CHRDL1: variants seen among roughly 807,000 people sequenced by gnomAD.
CHRDL1 encodes chordin like 1, also known as chordin-like protein 1.
A neutral mutation model predicts 40.9 loss-of-function variants in CHRDL1; 19 were observed. The observed-to-expected ratio is 0.46, with a 90% CI of 0.32 to 0.68. CHRDL1 has a LOEUF of 0.68. Ranked by LOEUF, CHRDL1 falls within the 30% of genes least tolerant of loss-of-function variation. The pLI is 0.03. For missense variants in CHRDL1, 329 were observed against 352.1 expected (o/e 0.93, Z 0.53); for synonymous variants, 136 against 123.4 (o/e 1.10, Z -0.68).
chrX:110,690,017 ATATCTG>A lies in CHRDL1; in HGVS notation c.779-1220_779-1215del, dbSNP rs1438462725. On this transcript the variant is annotated intron_variant, in intron 8 of 11. Coordinates refer to ENST00000372042, the MANE Select transcript of CHRDL1 (RefSeq NM_001143981.2). ...TATCTATATATCTATATATATCTAT[ATATCTG>A]TATATCTATATATATCTATATATAT... Among the ~76,000 whole-genome samples, 2 of 57,598 alleles carry A rather than the reference ATATCTG, an allele frequency of 3.5e-5. 1 individual carries two copies. The highest frequency in any genetic ancestry group is 3.2e-4 in the African/African-American group (2 of 6,166). 50.0% of individuals were successfully genotyped at this position (57,598 alleles called of 115,157 possible). A position where few individuals can be genotyped will look rare whatever the true frequency, so the allele number is the denominator to read the frequency against.
chrX:110,792,950 A>G (rs2090125705), intron 1 of CHRDL1, among the ~76,000 whole-genome samples: 1 of 112,358 alleles, frequency 8.9e-6, no homozygotes. Context: ...AGACCATTAA[A>G]ACAACTACAG....
At chrX:110,725,725 C>T (rs149597419) in intron 4 of CHRDL1, among the ~76,000 whole-genome samples, 7 of 112,096 alleles carry the variant, frequency 6.2e-5, no homozygotes, top group African/African-American at 2.3e-4. Flanking sequence ...TACAAACCTC[C>T]CCAGAGCTTT....
chrX:110,697,866 ACACACACACACACG>A (rs2070429517), intron 7 of CHRDL1, among the ~76,000 whole-genome samples: 1 of 98,872 alleles, frequency 1.0e-5, no homozygotes, highest in African/African-American at 4.5e-5. Context: ...ACACACACAC[ACACACACACACACG>A]CAGACACACT....
At chrX:110,732,035 T>C (rs950637726) in intron 4 of CHRDL1, among the ~76,000 whole-genome samples, 2 of 108,779 alleles carry the variant, frequency 1.8e-5, no homozygotes, top group Non-Finnish European at 3.8e-5. Flanking sequence ...CGTTATACAA[T>C]ACAAACACAA....
chrX:110,754,628 G>A (rs147728162), intron 4 of CHRDL1, among the ~76,000 whole-genome samples: 21 of 111,707 alleles, frequency 1.9e-4, no homozygotes, highest in Admixed American at 1.6e-3. Flanking sequence ...AGACTGGGGT[G>A]TCTCTCTTGG....
At chrX:110,686,157 A>G (rs760234033) in intron 9 of CHRDL1, among the ~76,000 whole-genome samples, 5 of 111,255 alleles carry the variant, frequency 4.5e-5, no homozygotes, top group South Asian at 3.8e-4. Context: ...TTGGCCACCC[A>G]AAATGCTGGT....
chrX:110,744,994 C>A (rs1738429), intron 4 of CHRDL1, among the ~76,000 whole-genome samples: 2,102 of 95,541 alleles, frequency 0.022, 55 homozygotes, highest in African/African-American at 0.11. Context: ...CACACACACA[C>A]ATACATACCA....
In CHRDL1 at chrX:110,688,791, T is replaced by C. The variant is rs772945913; in HGVS notation, c.791A>G (p.Asn264Ser). The C allele has an allele frequency of 1.7e-6, 2 of 1,201,452 alleles. No homozygotes were observed. The highest frequency in any genetic ancestry group is 2.2e-5 in the Admixed American group (1 of 45,772). ...KHKHGQVCVSNGKTYSHGESW... is the reference protein window; with the variant it reads ...KHKHGQVCVSSGKTYSHGESW... ...CTCGCCATGAGAATAGGTCTTTCCATTGGAAACACACACTGAAAGAGAATG... is the reference window on the plus strand; with the variant it reads ...CTCGCCATGAGAATAGGTCTTTCCACTGGAAACACACACTGAAAGAGAATG... Residue 264 changes from asparagine (N) to serine (S), a missense_variant, in exon 9 of 12, where the codon AAT becomes AGT. Transcript: ENST00000372042.
chrX:110,759,954 T>G (rs1294814619), intron 3 of CHRDL1, among the ~76,000 whole-genome samples, 200 bp from the exon 4 acceptor site: 1 of 111,556 alleles, frequency 9.0e-6, no homozygotes, highest in Non-Finnish European at 1.9e-5. Flanking sequence ...ATTGGCATAT[T>G]TTTCTAAGGC....
intron 6 of CHRDL1, among the ~76,000 whole-genome samples, chrX:110,702,370 C>T: frequency 8.9e-6 from 1 of 112,354 alleles, no homozygotes; most frequent in Middle Eastern, 4.6e-3. Flanking sequence ...AACACTCTTA[C>T]ATATTTCTGA....
intron 6 of CHRDL1, among the ~76,000 whole-genome samples, chrX:110,706,810 C>A (rs778859928): frequency 8.9e-6 from 1 of 112,430 alleles, no homozygotes; most frequent in African/African-American, 3.2e-5. Flanking sequence ...AAGATTGCAG[C>A]TCTTGCTTTC....
Position 110,735,943 on chromosome X carries a change from T to A in CHRDL1, c.302-14413A>T, listed in dbSNP as rs778452502. Among the ~76,000 whole-genome samples, 38 of 112,263 alleles carry A rather than the reference T, an allele frequency of 3.4e-4. 1 individual carries two copies. The highest frequency in any genetic ancestry group is 5.8e-4 in the Non-Finnish European group (31 of 53,256). On this transcript the variant is annotated intron_variant, in intron 4 of 11. Transcript: ENST00000372042. ...AGGCATAAAGGAAGAAAAGAGGCAT[T>A]TGGTACTTGAAGATTAATTGAGAAA... is the stretch of plus-strand genomic sequence containing the variant.
At chrX:110,725,264 C>T (rs760017573) in intron 4 of CHRDL1, among the ~76,000 whole-genome samples, 7 of 111,970 alleles carry the variant, frequency 6.3e-5, no homozygotes, top group Non-Finnish European at 9.4e-5. Context: ...TCAGAAAATA[C>T]CCCCTTATCC....
chrX:110,738,112 T>C (rs1195721247), intron 4 of CHRDL1, among the ~76,000 whole-genome samples: 1 of 112,260 alleles, frequency 8.9e-6, no homozygotes, highest in Non-Finnish European at 1.9e-5. Flanking sequence ...GTTTGAAATA[T>C]AGCTAGGGAG....
rs745520333 is a variant in CHRDL1, at chrX:110,716,292, T to C, written c.541+3543A>G. Among the ~76,000 whole-genome samples, 8 of 110,538 alleles carry C rather than the reference T, an allele frequency of 7.2e-5. No homozygotes were observed. The East Asian group carries it at 2.3e-3, about 31-fold the overall frequency. Reference sequence around the variant, plus strand: ...AATGCACAACAACCATATTCTTTTTTGGTAGCACCTAATTCAAATCCTGAC... The same window carrying C: ...AATGCACAACAACCATATTCTTTTTCGGTAGCACCTAATTCAAATCCTGAC... On this transcript the variant is annotated intron_variant, in intron 6 of 11. Transcript: ENST00000372042.
chrX:110,679,634 G>C (rs2069853080), intron 10 of CHRDL1, among the ~76,000 whole-genome samples: 1 of 111,802 alleles, frequency 8.9e-6, no homozygotes, highest in African/African-American at 3.2e-5. Context: ...GCTTCCCCTC[G>C]GCTTCTCCAG....
In CHRDL1 at chrX:110,779,843, T is replaced by G. The variant is rs768154554; in HGVS notation, c.94+12245A>C. ...GGAGTATCTCTCCATTCTACTTAGT[T>G]TTTTATTTCTTTCATCAGAATTTTA... On this transcript the variant is annotated intron_variant, in intron 2 of 11. Transcript: ENST00000372042. 8.9e-5 allele frequency among the ~76,000 whole-genome samples: 10 copies of G among 111,773 alleles called. No individual in the cohort carries two copies. The South Asian group carries it at 3.7e-3, about 42-fold the overall frequency.
intron 6 of CHRDL1, among the ~76,000 whole-genome samples, chrX:110,713,738 AC>A (rs2070786260): frequency 8.9e-6 from 1 of 112,767 alleles, no homozygotes; most frequent in East Asian, 2.8e-4. Flanking sequence ...AATAGTTGCT[AC>A]TATTTTTGCC....
At chrX:110,686,891 C>CAAAAAAACA (rs754055781) in intron 9 of CHRDL1, among the ~76,000 whole-genome samples, 2 of 85,353 alleles carry the variant, frequency 2.3e-5, no homozygotes, top group African/African-American at 1.1e-4. Context: ...CTCAAAAAAA[C>CAAAAAAACA]AAAAAATAAA....
Sources: gnomAD v4.1 joint callset for allele counts (sites outside exome capture counted in the v4.1 genomes callset) on GRCh38, gnomAD v4.1.1 for gene constraint, MANE v1.5 for transcripts, NCBI Gene and HGNC (gene_info 2026-07-23, HGNC 2026-07-21) for gene names.